POLD1: variants seen among roughly 807,000 people sequenced by gnomAD.
POLD1 encodes DNA polymerase delta catalytic subunit.
POLD1 carries 79 observed loss-of-function variants against 129.7 expected under a neutral mutation model. The ratio of observed to expected loss-of-function variants is 0.61; its 90% CI spans 0.51 to 0.73. The LOEUF is 0.73. POLD1 is among the 30% of genes least tolerant of loss of function. The probability of loss-of-function intolerance (pLI) is 0.00; values close to 1 mark genes in which losing one functional copy is unlikely to be tolerated. For synonymous variants in POLD1, 714 were observed against 683.3 expected (o/e 1.04, Z -0.70); for missense variants, 1,338 against 1,595.8 (o/e 0.84, Z 2.75).
intron 1 of POLD1, chr19:50,395,284 A>T (rs993466028): frequency 6.6e-6 from 1 of 150,462 alleles, no homozygotes; most frequent in Non-Finnish European, 1.5e-5. Context: ...ATTTCAAATT[A>T]ACAGGAAGGT....
At position 50,385,059 on chromosome 19, in the gene POLD1, C is replaced by T. The variant is rs566226517; in HGVS notation, c.-2+669C>T. ...CTAGATCCTATAGGGCCTTGTAAAA[C>T]TTGGTATGGAATTTCTCCTTTATTC... On this transcript the variant is annotated intron_variant, in intron 1 of 26. Coordinates refer to ENST00000440232, the MANE Select transcript of POLD1 (RefSeq NM_002691.4). Among the ~76,000 whole-genome samples, 13 of 152,210 alleles carry T rather than the reference C, an allele frequency of 8.5e-5. No individual in the cohort carries two copies. The South Asian group carries it at 2.7e-3, about 32-fold the overall frequency.
Position 50,399,048 on chromosome 19 carries a change from C to G in POLD1, c.197C>G (p.Ala66Gly), listed in dbSNP as rs199792522. 5.5e-5 allele frequency: 86 copies of G among 1,552,826 alleles called. No individual in the cohort carries two copies. Among genetic ancestry groups the G allele is most frequent in the Non-Finnish European group, 7.5e-5 (86 of 1,148,014 alleles). The change falls in exon 2 of 27, where the codon GCA (alanine) becomes GGA (glycine). Residue 66 changes from alanine to glycine, a missense_variant. Transcript: ENST00000440232. ...CTGCAGTCAGTCCTGGAGGGGGTTG[C>G]AGACGGTAAGGCTTGGAGTTGGAGG... ...EELQSVLEGV[A>G]DGQVPPSAID...
rs766467152 is a variant in POLD1 at position 50,403,151 on chromosome 19, C to T, written c.1069C>T (p.Leu357=). 1 of 1,560,960 alleles carries T rather than the reference C, an allele frequency of 6.4e-7. No homozygotes were observed. The highest frequency in any genetic ancestry group is 1.9e-5 in the Admixed American group (1 of 52,012). ...GCCCTTCCTACGCCTGGCGCTCACC[C>T]TGCGGCCCTGTGCCCCCATCCTGGG... ...PEPFLRLALT[L]RPCAPILGAK... is the part of the protein sequence containing the mutation. The change falls in exon 9 of 27, where the codon CTG becomes TTG. Residue 357 remains leucine, a synonymous_variant. Coordinates refer to ENST00000440232, the MANE Select transcript of POLD1 (RefSeq NM_002691.4).
rs3219386 is a variant in POLD1 at position 50,404,171 on chromosome 19, C to T, written c.1242+574C>T. Among the ~76,000 whole-genome samples the T allele has an allele frequency of 1.8e-3, 267 of 152,256 alleles. 2 individuals are homozygous for T. Among genetic ancestry groups the T allele is most frequent in the African/African-American group, 6.0e-3 (249 of 41,540 alleles). ...GGGGCTGCAAGGGAGGACTGGTTCA[C>T]GGCCTCTCTCCTTGGCTTGCAGACG... On this transcript the variant is annotated intron_variant, in intron 10 of 26. Coordinates refer to ENST00000440232, the MANE Select transcript of POLD1 (RefSeq NM_002691.4).
In POLD1 at chr19:50,416,421, G is replaced by A; in HGVS notation, c.2846G>A (p.Ser949Asn). ...GACCCGCTGTTCGTGCTGGAGCACA[G>A]CCTGCCCATTGACACGCAGTACTAC... ...SEDPLFVLEH[S>N]LPIDTQYYLE... is the part of the protein sequence containing the mutation. The change falls in exon 23 of 27, where the codon AGC becomes AAC. Residue 949 changes from serine (S) to asparagine (N), a missense_variant. Transcript: ENST00000440232. 6.5e-7 allele frequency: 1 copy of A among 1,549,702 alleles called. No homozygotes were observed. Among genetic ancestry groups the A allele is most frequent in the Admixed American group, 2.0e-5 (1 of 51,080 alleles).
chr19:50,413,705 C>T (rs2039172026), intron 18 of POLD1, 37 bp from the exon 19 acceptor site: 1 of 1,567,886 alleles, frequency 6.4e-7, no homozygotes. Context: ...CAGAAGGGAC[C>T]CTGCTTCTCA....
rs541865064 is a variant in POLD1, at chr19:50,398,343, G to A, written c.-1-508G>A. 1.1e-4 allele frequency among the ~76,000 whole-genome samples: 16 copies of A among 152,152 alleles called. No homozygotes were observed. In the South Asian group the frequency reaches 2.7e-3, roughly 26 times the overall value. ...TCTCAGCACTTTGGGAGGCTGAGGC[G>A]AGTGGATCACCTGAGGTCAGGAGTT... is the stretch of plus-strand genomic sequence containing the variant. On this transcript the variant is annotated intron_variant, in intron 1 of 26. Transcript: ENST00000440232.
intron 1 of POLD1, among the ~76,000 whole-genome samples, chr19:50,391,317 A>G (rs1195549384): frequency 2.0e-5 from 3 of 152,102 alleles, no homozygotes; most frequent in African/African-American, 7.2e-5. Flanking sequence ...AGAGGCTGCA[A>G]TCTCGGCACT....
chr19:50,405,508 C>T (rs1172471183), intron 10 of POLD1, among the ~76,000 whole-genome samples: 1 of 152,164 alleles, frequency 6.6e-6, no homozygotes, highest in Admixed American at 6.5e-5. Context: ...GCGAGAGGAT[C>T]GATGGAGCCC....
In POLD1 at chr19:50,403,044, G is replaced by T. The variant is rs1386781643; in HGVS notation, c.971-9G>T. 2 of 1,554,564 alleles carry T rather than the reference G, an allele frequency of 1.3e-6. No individual in the cohort carries two copies. On this transcript the variant is annotated splice_polypyrimidine_tract_variant and intron_variant, in intron 8 of 26. Transcript: ENST00000440232. ...AGGAGTCAGGCCCCTGCATCCTCCTGCCTCGCAGGCATCTTCCCTGAGCCT... is the reference window on the plus strand; with the variant it reads ...AGGAGTCAGGCCCCTGCATCCTCCTTCCTCGCAGGCATCTTCCCTGAGCCT...
Position 50,406,508 on chromosome 19 carries a change from C to A in POLD1, c.1485C>A (p.Thr495=). 1 of 1,581,022 alleles carries A rather than the reference C, an allele frequency of 6.3e-7. No homozygotes were observed. The change falls in exon 12 of 27, where the codon ACC becomes ACA. Residue 495 remains threonine (T), a synonymous_variant. Coordinates refer to ENST00000440232, the MANE Select transcript of POLD1 (RefSeq NM_002691.4). The surrounding 1 kb of genome is among the most constrained non-coding windows in gnomAD (Gnocchi z 5.5). ...QKEDVQHSII[T]DLQNGNDQTR... is the part of the protein sequence containing the mutation. Reference sequence around the variant, plus strand: ...AGGACGTGCAGCACAGCATCATCACCGACCTGCAGGTGCCTGCTGCCTCCC... The same window carrying A: ...AGGACGTGCAGCACAGCATCATCACAGACCTGCAGGTGCCTGCTGCCTCCC...
Position 50,398,925 on chromosome 19 carries a change from AT to A in POLD1, c.75del (p.Asp25GlufsTer16), listed in dbSNP as rs772855121. On this transcript the variant is annotated frameshift_variant, in exon 2 of 27. Transcript: ENST00000440232. LOFTEE classifies it high-confidence loss of function. ...PKRARGGLWD[D>X]DDAPRPSQFE... Reference sequence around the variant, plus strand: ...CGGGCCCGTGGGGGCCTCTGGGATGATGATGATGCACCTCGGCCATCCCAAT... The same window carrying A: ...CGGGCCCGTGGGGGCCTCTGGGATGAGATGATGCACCTCGGCCATCCCAAT... 1 of 1,597,032 alleles carries A rather than the reference AT, an allele frequency of 6.3e-7. No homozygotes were observed. Among genetic ancestry groups the A allele is most frequent in the Non-Finnish European group, 8.5e-7 (1 of 1,173,226 alleles).
intron 1 of POLD1, among the ~76,000 whole-genome samples, chr19:50,388,493 A>G (rs1355003923): frequency 6.6e-6 from 1 of 152,224 alleles, no homozygotes; most frequent in Non-Finnish European, 1.5e-5. Context: ...CATTACAATA[A>G]AAAAGACGTC....
chr19:50,414,535 A>AC lies in POLD1; in HGVS notation c.2389-279dup, dbSNP rs1385552673. Among the ~76,000 whole-genome samples, 743 of 151,684 alleles carry AC rather than the reference A, an allele frequency of 4.9e-3. 6 individuals carry two copies. Among genetic ancestry groups the AC allele is most frequent in the African/African-American group, 0.017 (712 of 41,310 alleles). ...CTCTCTTTCATGGGATGCTTCATCG[A>AC]CTCGCCTGTCTGGATCTCATGTTTT... is the stretch of plus-strand genomic sequence containing the variant. On this transcript the variant is annotated intron_variant, in intron 19 of 26. Transcript: ENST00000440232.
At position 50,416,678 on chromosome 19, in the gene POLD1, C is replaced by CGCCGCAACTGCTGCATTGGCT; in HGVS notation, c.3029_3049dup (p.Asn1010_Arg1016dup). 1 of 1,554,700 alleles carries CGCCGCAACTGCTGCATTGGCT rather than the reference C, an allele frequency of 6.4e-7. No homozygotes were observed. Among genetic ancestry groups the CGCCGCAACTGCTGCATTGGCT allele is most frequent in the Non-Finnish European group, 8.7e-7 (1 of 1,154,688 alleles). On this transcript the variant is annotated inframe_insertion, in exon 24 of 27. Transcript: ENST00000440232. The stretch of plus-strand genomic sequence containing the variant: ...GGGCGGCCTCCTGGCCTTCGCCAAA[C>CGCCGCAACTGCTGCATTGGCT]GCCGCAACTGCTGCATTGGCTGCCG...
intron 1 of POLD1, among the ~76,000 whole-genome samples, chr19:50,385,536 T>C (rs2037939711): frequency 6.7e-6 from 1 of 148,844 alleles, no homozygotes; most frequent in Non-Finnish European, 1.5e-5. Flanking sequence ...CTTTTTTTTT[T>C]TTTTTTTTTT....
chr19:50,394,902 C>T (rs954569260), intron 1 of POLD1: 1 of 151,850 alleles, frequency 6.6e-6, no homozygotes, highest in Non-Finnish European at 1.5e-5. Flanking sequence ...ATGGCGCAGT[C>T]TTGGCTCACT....
chr19:50,416,416 G>A lies in POLD1; in HGVS notation c.2841G>A (p.Glu947=), dbSNP rs2122490240. 1 of 1,549,546 alleles carries A rather than the reference G, an allele frequency of 6.5e-7. No homozygotes were observed. Among genetic ancestry groups the A allele is most frequent in the Non-Finnish European group, 8.7e-7 (1 of 1,147,264 alleles). ...CGCAGGACCCGCTGTTCGTGCTGGA[G>A]CACAGCCTGCCCATTGACACGCAGT... ...MKSEDPLFVL[E]HSLPIDTQYY... Residue 947 remains glutamate, a synonymous_variant, in exon 23 of 27, where the codon GAG becomes GAA. Coordinates refer to ENST00000440232, the MANE Select transcript of POLD1 (RefSeq NM_002691.4).
intron 10 of POLD1, among the ~76,000 whole-genome samples, chr19:50,404,759 G>A (rs1304915602): frequency 1.4e-5 from 2 of 146,270 alleles, no homozygotes; most frequent in African/African-American, 2.5e-5. Flanking sequence ...TTGCTTTTTT[G>A]TTATTGTTTC....
Sources: allele counts gnomAD v4.1 joint callset (sites outside exome capture counted in the v4.1 genomes callset), GRCh38; gene constraint gnomAD v4.1.1; non-coding constraint Gnocchi (gnomAD v3.1); transcripts MANE v1.5; gene names NCBI Gene and HGNC (gene_info 2026-07-23, HGNC 2026-07-21).